Variants in CDH18 observed in about 807,000 individuals in gnomAD.
CDH18 encodes cadherin-18.
A neutral mutation model predicts 67.9 loss-of-function variants in CDH18; 31 were observed. That is an observed-to-expected ratio of 0.46 (90% CI 0.34 to 0.62). CDH18 has a LOEUF of 0.62. Among genes scored for constraint, CDH18 ranks in the 20% least tolerant of loss-of-function variants. The pLI is 0.01. For synonymous variants in CDH18, 362 were observed against 347.2 expected (o/e 1.04, Z -0.48); for missense variants, 890 against 975.5 (o/e 0.91, Z 1.17).
intron 6 of CDH18, among the ~76,000 whole-genome samples, chr5:19,611,991 C>T (rs779725409): frequency 3.2e-5 from 3 of 94,528 alleles, no homozygotes; most frequent in Admixed American, 2.1e-4. Flanking sequence ...TGTGTGCATA[C>T]ATGCATGCAT....
intron 2 of CDH18, among the ~76,000 whole-genome samples, chr5:20,205,928 C>T (rs1386292307): frequency 6.6e-6 from 1 of 151,656 alleles, no homozygotes; most frequent in Non-Finnish European, 1.5e-5. Flanking sequence ...AAGTGACACA[C>T]ATTAAGGACT....
intron 5 of CDH18, among the ~76,000 whole-genome samples, chr5:19,651,698 G>T (rs1755607079): frequency 6.6e-6 from 1 of 152,032 alleles, no homozygotes. Flanking sequence ...TAAGCTAAAA[G>T]TATTAACCTG....
At chr5:20,074,887 T>C (rs1008154306) in intron 2 of CDH18, among the ~76,000 whole-genome samples, 3 of 152,196 alleles carry the variant, frequency 2.0e-5, no homozygotes, top group African/African-American at 7.2e-5. Context: ...ATGTATTACT[T>C]TAATATATAT....
At chr5:20,368,681 A>G (rs1407962970) in intron 1 of CDH18, among the ~76,000 whole-genome samples, 1 of 152,158 alleles carries the variant, frequency 6.6e-6, no homozygotes, top group Non-Finnish European at 1.5e-5. Context: ...TCAAATCTGA[A>G]CATCTAACTT....
intron 2 of CDH18, among the ~76,000 whole-genome samples, chr5:20,230,225 G>A (rs930181868): frequency 6.6e-6 from 1 of 152,028 alleles, no homozygotes; most frequent in African/African-American, 2.4e-5. Context: ...GTGTAATGCT[G>A]AGAGATCCAC....
intron 1 of CDH18, among the ~76,000 whole-genome samples, chr5:20,261,018 T>A (rs1399805421): frequency 6.6e-6 from 1 of 152,188 alleles, no homozygotes; most frequent in Non-Finnish European, 1.5e-5. Context: ...ATGAAATAAT[T>A]GGATGCTGTT....
chr5:20,364,843 G>C (rs1742382144), intron 1 of CDH18, among the ~76,000 whole-genome samples: 1 of 152,068 alleles, frequency 6.6e-6, no homozygotes, highest in African/African-American at 2.4e-5. Context: ...GTGGTTTTTG[G>C]AAAGACTGTT....
intron 2 of CDH18, among the ~76,000 whole-genome samples, chr5:19,927,554 T>A (rs1793227167): frequency 6.6e-6 from 1 of 152,132 alleles, no homozygotes; most frequent in African/African-American, 2.4e-5. Context: ...TTAATAAAGA[T>A]GTATGATTCT....
At chr5:20,035,331 G>GT (rs1430338385) in intron 2 of CDH18, among the ~76,000 whole-genome samples, 1 of 151,954 alleles carries the variant, frequency 6.6e-6, no homozygotes, top group African/African-American at 2.4e-5. Flanking sequence ...GCCAGGTACT[G>GT]GACTGTAAGA....
intron 2 of CDH18, among the ~76,000 whole-genome samples, chr5:19,883,314 C>A (rs148874537): frequency 6.6e-6 from 1 of 152,250 alleles, no homozygotes; most frequent in Admixed American, 6.5e-5. Flanking sequence ...AATTGTGTTA[C>A]ACTCTGTGAT....
chr5:20,172,190 G>GTATATATATATATATATATATA (rs70954640), intron 2 of CDH18, among the ~76,000 whole-genome samples: 9 of 23,322 alleles, frequency 3.9e-4, no homozygotes, highest in South Asian at 1.9e-3. Context: ...AGCATTGTGT[G>GTATATATATATATATATATATA]TATATATATA....
chr5:19,581,262 C>A (rs10520863), intron 7 of CDH18, among the ~76,000 whole-genome samples: 8,182 of 151,922 alleles, frequency 0.054, 271 homozygotes, highest in Non-Finnish European at 0.074. Context: ...CATCCTATAA[C>A]TCCTAATTAC....
chr5:19,616,208 C>A lies in CDH18; in HGVS notation c.644-3607G>T, dbSNP rs928131010. Among the ~76,000 whole-genome samples, 6 of 152,164 alleles carry A rather than the reference C, an allele frequency of 3.9e-5. No homozygotes were observed. The South Asian group carries it at 1.2e-3, about 32-fold the overall frequency. ...TAATTCACAGCCTACGTTCCATTCT[C>A]ACAATGCTTAGCATAATAGCTGTCT... is the stretch of plus-strand genomic sequence containing the variant. On this transcript the variant is annotated intron_variant, in intron 5 of 12. Transcript: ENST00000382275.
chr5:20,525,451 C>A (rs1219533928), intron 1 of CDH18, among the ~76,000 whole-genome samples: 1 of 152,052 alleles, frequency 6.6e-6, no homozygotes, highest in Admixed American at 6.6e-5. Flanking sequence ...TCAGAGGGGG[C>A]AGATGGCTCC....
chr5:19,977,715 A>ATTTG (rs3065077), intron 2 of CDH18, among the ~76,000 whole-genome samples: 66,708 of 151,648 alleles, frequency 0.44, 16,441 homozygotes, highest in Middle Eastern at 0.66. Context: ...TACCCTTGAA[A>ATTTG]TTTGACATTT....
upstream of CDH18, among the ~76,000 whole-genome samples, chr5:19,992,806 T>C (rs1561693458): frequency 6.6e-6 from 1 of 152,170 alleles, no homozygotes; most frequent in Non-Finnish European, 1.5e-5. Flanking sequence ...CCCTCATGAT[T>C]TCGTTATAGC....
chr5:20,332,399 A>G (rs1323196126), intron 1 of CDH18, among the ~76,000 whole-genome samples: 1 of 152,164 alleles, frequency 6.6e-6, no homozygotes, highest in African/African-American at 2.4e-5. Flanking sequence ...TGCTGGTAAG[A>G]ATAGACATAT....
chr5:19,604,948 A>T (rs2150079816), intron 6 of CDH18, among the ~76,000 whole-genome samples: 1 of 152,144 alleles, frequency 6.6e-6, no homozygotes, highest in East Asian at 1.9e-4. Context: ...ACTATTAGAA[A>T]TTTTAATTGA....
intron 2 of CDH18, among the ~76,000 whole-genome samples, chr5:20,133,472 T>G (rs904145423): frequency 1.3e-5 from 2 of 152,048 alleles, no homozygotes; most frequent in Non-Finnish European, 2.9e-5. Flanking sequence ...CCATGACAGG[T>G]GGAGATTATG....
Sources: gnomAD v4.1 joint callset for allele counts (sites outside exome capture counted in the v4.1 genomes callset) on GRCh38, gnomAD v4.1.1 for gene constraint, MANE v1.5 for transcripts, NCBI Gene and HGNC (gene_info 2026-07-23, HGNC 2026-07-21) for gene names.